The following PRIMA1 variants were observed in gnomAD, a reference collection of about 807,000 sequenced individuals.
The protein encoded by PRIMA1 is proline rich membrane anchor 1.
Under a neutral mutation model 17.5 loss-of-function variants are expected in PRIMA1, and 7 were observed. That is an observed-to-expected ratio of 0.40 (90% CI 0.23 to 0.75). The LOEUF is 0.75. PRIMA1 is among the 30% of genes least tolerant of loss of function. The probability of loss-of-function intolerance (pLI) is 0.37; values close to 1 mark genes in which losing one functional copy is unlikely to be tolerated. For missense variants in PRIMA1, 200 were observed against 201.8 expected (o/e 0.99, Z 0.05); for synonymous variants, 97 against 77.9 (o/e 1.25, Z -1.29).
At chr14:93,770,106 C>T (rs1885012828) in intron 3 of PRIMA1, among the ~76,000 whole-genome samples, 2 of 152,180 alleles carry the variant, frequency 1.3e-5, no homozygotes, top group Non-Finnish European at 2.9e-5. Flanking sequence ...ATGATCTTAA[C>T]TTAGACCAGG....
rs34329291 is a variant in PRIMA1 at position 93,758,594 on chromosome 14, CAA to C, written c.229+20580_229+20581del. Among the ~76,000 whole-genome samples, 543 of 81,286 alleles carry C rather than the reference CAA, an allele frequency of 6.7e-3. 4 individuals carry two copies. Among genetic ancestry groups the C allele is most frequent in the African/African-American group, 0.02 (396 of 20,128 alleles). 53.3% of individuals were successfully genotyped at this position (81,286 alleles called of 152,430 possible). ...AGCGTGGGCAACAGAGCAAGACTCTCAAAAAAAAAAAAAAAAAAGAAAAAGAA... is the reference window on the plus strand; with the variant it reads ...AGCGTGGGCAACAGAGCAAGACTCTCAAAAAAAAAAAAAAAAGAAAAAGAA... On this transcript the variant is annotated intron_variant, in intron 3 of 4. Coordinates refer to ENST00000393140, the MANE Select transcript of PRIMA1 (RefSeq NM_178013.4).
intron 3 of PRIMA1, among the ~76,000 whole-genome samples, chr14:93,775,169 A>G (rs1885177624): frequency 6.6e-6 from 1 of 152,248 alleles, no homozygotes; most frequent in Non-Finnish European, 1.5e-5. Context: ...GCAAGAATGC[A>G]AAGGACATCA....
chr14:93,724,060 T>C (rs546202179), intron 4 of PRIMA1, among the ~76,000 whole-genome samples: 1 of 152,294 alleles, frequency 6.6e-6, no homozygotes, highest in African/African-American at 2.4e-5. Flanking sequence ...AAGTTTTAAA[T>C]TTTTTGTAGA....
At chr14:93,758,142 CCT>C (rs140189599) in intron 3 of PRIMA1, among the ~76,000 whole-genome samples, 25 of 152,318 alleles carry the variant, frequency 1.6e-4, no homozygotes, top group Middle Eastern at 3.4e-3. Flanking sequence ...TGGGTACACC[CCT>C]GTCTCAGCTC....
chr14:93,757,199 A>AAAGGAAGGAAGG (rs113474280), intron 3 of PRIMA1, among the ~76,000 whole-genome samples: 8 of 150,984 alleles, frequency 5.3e-5, no homozygotes, highest in African/African-American at 1.7e-4. Flanking sequence ...GGGTTTAAAA[A>AAAGGAAGGAAGG]AAGGAAGGAA....
At chr14:93,747,340 G>A (rs928614102) in intron 3 of PRIMA1, among the ~76,000 whole-genome samples, 3 of 152,238 alleles carry the variant, frequency 2.0e-5, no homozygotes, top group Non-Finnish European at 4.4e-5. Flanking sequence ...CGTGGCAGTT[G>A]CTGCTGGCCG....
intron 3 of PRIMA1, among the ~76,000 whole-genome samples, chr14:93,747,908 GT>G (rs2076232564): frequency 2.2e-5 from 1 of 45,426 alleles, no homozygotes; most frequent in African/African-American, 7.2e-5. Flanking sequence ...GTGTGTAAGA[GT>G]GGGGGACTGT....
At chr14:93,777,030 AT>A (rs1279853894) in intron 3 of PRIMA1, among the ~76,000 whole-genome samples, 1 of 152,232 alleles carries the variant, frequency 6.6e-6, no homozygotes, top group East Asian at 1.9e-4. Flanking sequence ...AAGGAGATTA[AT>A]TTGTATACAC....
intron 3 of PRIMA1, among the ~76,000 whole-genome samples, chr14:93,758,452 G>A (rs749771367): frequency 1.3e-5 from 2 of 151,778 alleles, no homozygotes; most frequent in African/African-American, 2.4e-5. Flanking sequence ...TTTAATTTTT[G>A]TATTTAAATG....
At chr14:93,742,659 AG>A (rs1461718826) in intron 3 of PRIMA1, among the ~76,000 whole-genome samples, 1 of 152,096 alleles carries the variant, frequency 6.6e-6, no homozygotes, top group Non-Finnish European at 1.5e-5. Context: ...GGAATGTGTG[AG>A]GTCAGACAAG....
At chr14:93,760,773 T>C (rs2076321485) in intron 3 of PRIMA1, among the ~76,000 whole-genome samples, 1 of 152,174 alleles carries the variant, frequency 6.6e-6, no homozygotes, top group Non-Finnish European at 1.5e-5. Context: ...ACCAAACTCT[T>C]AGCAAACACT....
intron 4 of PRIMA1, among the ~76,000 whole-genome samples, chr14:93,730,834 TAATC>T (rs2076109231): frequency 1.3e-5 from 2 of 152,000 alleles, no homozygotes; most frequent in Admixed American, 1.3e-4. Context: ...ATCCATGAAA[TAATC>T]AAGCTAAGGA....
In PRIMA1 at chr14:93,771,076, ATG is replaced by A. The variant is rs1566975970; in HGVS notation, c.229+8098_229+8099del. Among the ~76,000 whole-genome samples the A allele has an allele frequency of 1.3e-4, 19 of 149,858 alleles. No homozygotes were observed. In the South Asian group the frequency reaches 2.7e-3, roughly 21 times the overall value. ...TGCATGTATGTGTGTGTGTGCATGT[ATG>A]TGTGTACATGTGCGTGCGTGTGCAT... is the stretch of plus-strand genomic sequence containing the variant. On this transcript the variant is annotated intron_variant, in intron 3 of 4. Transcript: ENST00000393140.
chr14:93,743,756 C>T (rs1298511815), intron 3 of PRIMA1, among the ~76,000 whole-genome samples: 1 of 152,256 alleles, frequency 6.6e-6, no homozygotes, highest in Non-Finnish European at 1.5e-5. Flanking sequence ...AGCCCTGCTT[C>T]AGGGACAGTC....
At chr14:93,752,541 C>T (rs920101214) in intron 3 of PRIMA1, among the ~76,000 whole-genome samples, 4 of 152,284 alleles carry the variant, frequency 2.6e-5, no homozygotes, top group African/African-American at 7.2e-5. Context: ...AGAGGGCTGC[C>T]CCGGCTCCAG....
At chr14:93,779,071 A>G in intron 3 of PRIMA1, 105 bp downstream of exon 3, 1 of 830,700 alleles carries the variant, frequency 1.2e-6, no homozygotes. Context: ...TGGCCAGTGG[A>G]AAATTACCAA....
rs193070973 is a variant in PRIMA1 at position 93,785,862 on chromosome 14, G to A, written c.93+1764C>T. 1.4e-4 allele frequency among the ~76,000 whole-genome samples: 21 copies of A among 151,058 alleles called. 1 individual carries two copies. The East Asian group carries it at 3.7e-3, about 27-fold the overall frequency. On this transcript the variant is annotated intron_variant, in intron 2 of 4. Coordinates refer to ENST00000393140, the MANE Select transcript of PRIMA1 (RefSeq NM_178013.4). ...GAGTGAGAGCATCTGAAATACACCC[G>A]CACACACACACACCCCTGCACACAC...
chr14:93,788,355 G>C (rs897482227), intron 1 of PRIMA1, 55 bp downstream of exon 1: 1 of 152,676 alleles, frequency 6.5e-6, no homozygotes, highest in Non-Finnish European at 1.5e-5. Flanking sequence ...GCTCCCGGGC[G>C]TGGGTTCCCC....
intron 3 of PRIMA1, among the ~76,000 whole-genome samples, chr14:93,745,757 A>G (rs917507183): frequency 6.6e-6 from 1 of 152,180 alleles, no homozygotes; most frequent in South Asian, 2.1e-4. Context: ...CTGGGATATC[A>G]CATCAGCTGC....
Sources: allele counts gnomAD v4.1 joint callset (sites outside exome capture counted in the v4.1 genomes callset), GRCh38; gene constraint gnomAD v4.1.1; transcripts MANE v1.5; gene names NCBI Gene and HGNC (gene_info 2026-07-23, HGNC 2026-07-21).